Variants in TRIM24 observed in about 807,000 individuals in gnomAD.
TRIM24 encodes the protein tripartite motif containing 24.
Under a neutral mutation model 123.9 loss-of-function variants are expected in TRIM24, and 29 were observed. The ratio of observed to expected loss-of-function variants is 0.23; its 90% confidence interval spans 0.17 to 0.32. The LOEUF is 0.32. TRIM24 is among the 10% of genes least tolerant of loss of function. The pLI is 1.00. For synonymous variants in TRIM24, 456 were observed against 461.1 expected (o/e 0.99, Z 0.14); for missense variants, 932 against 1,295.3 (o/e 0.72, Z 4.31).
intron 1 of TRIM24, among the ~76,000 whole-genome samples, chr7:138,464,324 G>A (rs1051690474): frequency 2.6e-5 from 4 of 151,760 alleles, no homozygotes; most frequent in African/African-American, 4.8e-5. Context: ...ACTAAATAAC[G>A]GGTTCATTTG....
intron 1 of TRIM24, among the ~76,000 whole-genome samples, chr7:138,470,649 A>G (rs963024720): frequency 6.6e-6 from 1 of 152,232 alleles, no homozygotes; most frequent in African/African-American, 2.4e-5. Context: ...TATAGGGTAC[A>G]TGTATAATAA....
At chr7:138,471,303 A>T (rs1343622810) in intron 1 of TRIM24, among the ~76,000 whole-genome samples, 1 of 152,204 alleles carries the variant, frequency 6.6e-6, no homozygotes, top group Admixed American at 6.5e-5. Context: ...CTAGCACTGT[A>T]GTATATGTAC....
intron 1 of TRIM24, among the ~76,000 whole-genome samples, chr7:138,493,355 C>G (rs1457468497): frequency 6.6e-6 from 1 of 152,196 alleles, no homozygotes; most frequent in Non-Finnish European, 1.5e-5. Context: ...GTTGGTAACT[C>G]TGGAAAACAG....
intron 11 of TRIM24, among the ~76,000 whole-genome samples, chr7:138,572,347 T>C (rs781475080): frequency 2.0e-4 from 30 of 152,216 alleles, no homozygotes; most frequent in Non-Finnish European, 3.4e-4. Flanking sequence ...CTAGTACTTT[T>C]TGTACTCTTT....
chr7:138,503,340 A>G (rs1460192643), intron 1 of TRIM24, among the ~76,000 whole-genome samples: 2 of 152,122 alleles, frequency 1.3e-5, no homozygotes, highest in Admixed American at 6.6e-5. Context: ...TGCTTTCTTC[A>G]TGATTTAGAT....
intron 1 of TRIM24, among the ~76,000 whole-genome samples, chr7:138,479,295 A>G (rs1008510372): frequency 6.6e-6 from 1 of 152,140 alleles, no homozygotes; most frequent in Non-Finnish European, 1.5e-5. Context: ...CAGTAACCCC[A>G]AAAGTTCCTT....
At chr7:138,574,122 C>T (rs1244970605) in intron 12 of TRIM24, among the ~76,000 whole-genome samples, 1 of 152,158 alleles carries the variant, frequency 6.6e-6, no homozygotes, top group African/African-American at 2.4e-5. Flanking sequence ...ATAGTACTTC[C>T]AGGGGGAAAT....
rs1796910899 is a variant in TRIM24 at position 138,537,393 on chromosome 7, T to TG, written c.997-1264_997-1263insG. Reference sequence around the variant, plus strand: ...CACCCCTGTTTGTTTTTTTTTTTTTTTTTTTTTTTTTTTTTGTAAAGACGT... The same window carrying TG: ...CACCCCTGTTTGTTTTTTTTTTTTTTGTTTTTTTTTTTTTTTGTAAAGACGT... On this transcript the variant is annotated intron_variant, in intron 6 of 18. Transcript: ENST00000343526. Among the ~76,000 whole-genome samples the TG allele has an allele frequency of 3.8e-5, 5 of 131,700 alleles. 1 individual carries two copies. The highest frequency in any genetic ancestry group is 6.7e-5 in the Non-Finnish European group (4 of 59,262). The allele number at this position is 131,700 out of a possible 152,430, so 86.4% of individuals were successfully genotyped here. A position where few individuals can be genotyped will look rare whatever the true frequency, so the allele number is the denominator to read the frequency against.
rs561303066 is a variant in TRIM24, at chr7:138,501,887, C to CAAAAAAAAAAA, written c.365-2402_365-2392dup. ...TGGGAGACAGGGCAAGACTCCGTCT[C>CAAAAAAAAAAA]AAAAAAAAAAACCAGTAGCAACAAC... On this transcript the variant is annotated intron_variant, in intron 1 of 18. Coordinates refer to ENST00000343526, the MANE Select transcript of TRIM24 (RefSeq NM_015905.3). Among the ~76,000 whole-genome samples the CAAAAAAAAAAA allele has an allele frequency of 4.0e-4, 54 of 136,498 alleles. 1 individual carries two copies. The highest frequency in any genetic ancestry group is 1.4e-3 in the African/African-American group (52 of 36,144). The allele number at this position is 136,498 out of a possible 152,430, so 89.5% of individuals were successfully genotyped here.
chr7:138,531,218 T>C (rs2116590257), intron 6 of TRIM24, among the ~76,000 whole-genome samples: 1 of 147,354 alleles, frequency 6.8e-6, no homozygotes. Flanking sequence ...TACGTGTATG[T>C]TACATACGTA....
At position 138,554,600 on chromosome 7, in the gene TRIM24, T is replaced by C; in HGVS notation, c.1262-98T>C. ...AGGGCTCATGAGATCAGAGAATTTC[T>C]TGGCAATTTTGAAGTTCTGCAAAAA... On this transcript the variant is annotated intron_variant, in intron 8 of 18. Transcript: ENST00000343526. This position sits in a 1 kb window ranked among gnomAD's most constrained non-coding sequence, Gnocchi z 4.5. 7.5e-7 allele frequency: 1 copy of C among 1,333,430 alleles called. No individual in the cohort carries two copies. The highest frequency in any genetic ancestry group is 1.0e-6 in the Non-Finnish European group (1 of 967,412). The allele number at this position is 1,333,430 out of a possible 1,614,324, so 82.6% of individuals were successfully genotyped here. A position where few individuals can be genotyped will look rare whatever the true frequency, so the allele number is the denominator to read the frequency against.
chr7:138,461,350 G>T (rs1159814748), intron 1 of TRIM24: 1 of 429,498 alleles, frequency 2.3e-6, no homozygotes, highest in Non-Finnish European at 4.6e-6. Context: ...TATTTGAGCT[G>T]CAGGGGAGAA....
At chr7:138,571,027 T>C in intron 11 of TRIM24, 24 bp downstream of exon 11, 2 of 1,611,434 alleles carry the variant, frequency 1.2e-6, no homozygotes, top group Non-Finnish European at 8.5e-7. Context: ...AAATTTATAC[T>C]AGCCTCTGTT....
intron 3 of TRIM24, among the ~76,000 whole-genome samples, chr7:138,517,448 G>A (rs1326878118): frequency 6.6e-6 from 1 of 152,042 alleles, no homozygotes; most frequent in African/African-American, 2.4e-5. Context: ...TCAGCTCACT[G>A]CAAGCGCCAC....
intron 12 of TRIM24, among the ~76,000 whole-genome samples, chr7:138,576,083 G>T (rs937416549): frequency 3.9e-5 from 6 of 152,076 alleles, no homozygotes; most frequent in Admixed American, 3.9e-4. Flanking sequence ...GATGCCACTG[G>T]TATCTAATAA....
At chr7:138,536,305 T>G (rs1018212784) in intron 6 of TRIM24, among the ~76,000 whole-genome samples, 3 of 152,226 alleles carry the variant, frequency 2.0e-5, no homozygotes, top group African/African-American at 7.2e-5. Flanking sequence ...ATTTTTAGAA[T>G]TTTCAGCTTT....
chr7:138,588,076 A>T lies in TRIM24; in HGVS notation c.*3125A>T, dbSNP rs983304254. 1 of 152,184 alleles carries T rather than the reference A, an allele frequency of 6.6e-6. No individual in the cohort carries two copies. Among genetic ancestry groups the T allele is most frequent in the Admixed American group, 6.5e-5 (1 of 15,274 alleles). The allele number at this position is 152,184 out of a possible 1,614,324, so 9.4% of individuals were successfully genotyped here. ...ATTTTACTACCACATAGTAGTGTAG[A>T]TGTAGTATAACTTGCTTAGGAATGC... is the stretch of plus-strand genomic sequence containing the variant. On this transcript the variant is annotated 3_prime_UTR_variant, in exon 19 of 19. Coordinates refer to ENST00000343526, the MANE Select transcript of TRIM24 (RefSeq NM_015905.3).
At chr7:138,462,818 A>T (rs967917761) in intron 1 of TRIM24, among the ~76,000 whole-genome samples, 2 of 152,046 alleles carry the variant, frequency 1.3e-5, no homozygotes, top group African/African-American at 4.8e-5. Flanking sequence ...GAGGCCCACG[A>T]CTGGAAAGTT....
At chr7:138,584,145 T>C (rs1797963687) in intron 18 of TRIM24, 146 bp downstream of exon 18, 1 of 838,158 alleles carries the variant, frequency 1.2e-6, no homozygotes, top group South Asian at 1.9e-5. Flanking sequence ...AAGAGATAAT[T>C]CAGATAACTC....
Sources: gnomAD v4.1 joint callset for allele counts (sites outside exome capture counted in the v4.1 genomes callset) on GRCh38, gnomAD v4.1.1 for gene constraint, Gnocchi (gnomAD v3.1) non-coding constraint, MANE v1.5 for transcripts, NCBI Gene and HGNC (gene_info 2026-07-23, HGNC 2026-07-21) for gene names.